Variants in ADGRE3 observed in about 807,000 individuals in gnomAD.
ADGRE3 encodes the protein EGF-like module receptor 3.
ADGRE3 carries 88 observed loss-of-function variants against 80.1 expected under a neutral mutation model. The observed-to-expected ratio is 1.10, with a 90% CI of 0.93 to 1.31. ADGRE3 has a LOEUF of 1.31. ADGRE3 is among the 40% of genes most tolerant of loss of function. ADGRE3 has a pLI of 0.00. For missense variants in ADGRE3, 715 were observed against 776.5 expected (o/e 0.92, Z 0.94); for synonymous variants, 281 against 294.8 (o/e 0.95, Z 0.48).
chr19:14,668,824 T>C lies in ADGRE3; in HGVS notation c.54A>G (p.Gly18=). 1 of 1,613,820 alleles carries C rather than the reference T, an allele frequency of 6.2e-7. No homozygotes were observed. The highest frequency in any genetic ancestry group is 8.5e-7 in the Non-Finnish European group (1 of 1,179,980). ...PGLCFLLSLF[G]AVTQKTKTSC... is the part of the protein sequence containing the mutation. ...CACTTTTGGTTTTCTGAGTCACAGC[T>C]CCAAAGAGGCTCAGCAGAAAGCAGA... The change falls in exon 2 of 16, where the codon GGA becomes GGG. Residue 18 remains glycine, a synonymous_variant. Coordinates refer to ENST00000253673, the MANE Select transcript of ADGRE3 (RefSeq NM_032571.5).
Position 14,641,405 on chromosome 19 carries a change from G to T in ADGRE3, c.1248+14C>A, listed in dbSNP as rs1312322421. 3 of 1,613,898 alleles carry T rather than the reference G, an allele frequency of 1.9e-6. No homozygotes were observed. The African/African-American group carries it at 4.0e-5, about 22-fold the overall frequency. On this transcript the variant is annotated intron_variant, in intron 10 of 15. Transcript: ENST00000253673. The stretch of plus-strand genomic sequence containing the variant: ...TTGGGGCAGAAAGGGCATCCTCTGA[G>T]ACACTGTCAGTACCTTGGGTTCAGT...
chr19:14,670,866 C>T (rs113533357), intron 1 of ADGRE3, among the ~76,000 whole-genome samples: 1 of 152,216 alleles, frequency 6.6e-6, no homozygotes. Context: ...ACCACATAGC[C>T]TCTCCTTCAG....
chr19:14,657,036 C>G (rs1369823506), intron 5 of ADGRE3, among the ~76,000 whole-genome samples: 1 of 152,154 alleles, frequency 6.6e-6, no homozygotes, highest in Non-Finnish European at 1.5e-5. Flanking sequence ...GCTGGGATTA[C>G]AGGCATGCGC....
At chr19:14,609,238 G>T in the ADGRE3 span, among the ~76,000 whole-genome samples, 1 of 152,158 alleles carries the variant, frequency 6.6e-6, no homozygotes, top group Non-Finnish European at 1.5e-5. Context: ...GAGAAGCCTG[G>T]ACCCCTTGTG....
At chr19:14,652,776 C>CA (rs34330214) in intron 6 of ADGRE3, among the ~76,000 whole-genome samples, 8,451 of 61,946 alleles carry the variant, frequency 0.14, 383 homozygotes, top group East Asian at 0.22. Flanking sequence ...GACTCCATCT[C>CA]AAAAAAAAAA....
intron 5 of ADGRE3, among the ~76,000 whole-genome samples, chr19:14,656,631 G>A (rs895759017): frequency 6.6e-6 from 1 of 152,088 alleles, no homozygotes; most frequent in African/African-American, 2.4e-5. Context: ...TACTGTACAC[G>A]TGACTGGCAA....
At chr19:14,647,022 C>T (rs1054559153) in intron 8 of ADGRE3, among the ~76,000 whole-genome samples, 159 bp downstream of exon 8, 44 of 152,098 alleles carry the variant, frequency 2.9e-4, no homozygotes, top group Admixed American at 2.8e-3. Context: ...TTCAAAATCT[C>T]GATTCAGACC....
rs1568471637 is a variant in ADGRE3 at position 14,620,562 on chromosome 19, ATATATATTTTTTTTTTTTTT to A, written c.1921-1111_1921-1092del. 1.2e-3 allele frequency among the ~76,000 whole-genome samples: 27 copies of A among 22,070 alleles called. 4 individuals are homozygous for A. The East Asian group carries it at 0.014, about 11-fold the overall frequency. 14.5% of individuals were successfully genotyped at this position (22,070 alleles called of 152,430 possible). ...TTATATATATATTATATATATATAT[ATATATATTTTTTTTTTTTTT>A]TTTTTTTTTTTTTTTGAGACAGGGT... On this transcript the variant is annotated intron_variant, in intron 15 of 15. Transcript: ENST00000253673.
the ADGRE3 span, among the ~76,000 whole-genome samples, chr19:14,613,395 A>T: frequency 3.3e-4 from 48 of 143,750 alleles, no homozygotes; most frequent in African/African-American, 1.1e-3. Context: ...GCTAATTTTA[A>T]TTTTTTTTTT....
rs774016812 is a variant in ADGRE3 at position 14,661,883 on chromosome 19, TCAAAA to T, written c.355+75_355+79del. 3.5e-5 allele frequency: 53 copies of T among 1,507,062 alleles called. No homozygotes were observed. In the South Asian group the frequency reaches 3.8e-4, roughly 11 times the overall value. The allele number at this position is 1,507,062 out of a possible 1,614,324, so 93.4% of individuals were successfully genotyped here. A position where few individuals can be genotyped will look rare whatever the true frequency, so the allele number is the denominator to read the frequency against. ...CTGGGCTACAGAGCGAGACTCTGTC[TCAAAA>T]CAAAACAAAACAAAACAAACAAACA... is the stretch of plus-strand genomic sequence containing the variant. On this transcript the variant is annotated intron_variant, in intron 4 of 15. Coordinates refer to ENST00000253673, the MANE Select transcript of ADGRE3 (RefSeq NM_032571.5).
At chr19:14,600,776 A>G in the ADGRE3 span, among the ~76,000 whole-genome samples, 1 of 150,500 alleles carries the variant, frequency 6.6e-6, no homozygotes, top group Non-Finnish European at 1.5e-5. Context: ...TAGTAGAGAC[A>G]GGGTTTCACT....
chr19:14,638,260 G>A lies in ADGRE3; in HGVS notation c.1329C>T (p.His443=), dbSNP rs1971155129. 6.2e-7 allele frequency: 1 copy of A among 1,614,106 alleles called. No homozygotes were observed. Among genetic ancestry groups the A allele is most frequent in the East Asian group, 2.2e-5 (1 of 44,874 alleles). Residue 443 remains histidine (H), a synonymous_variant, in exon 11 of 16, where the codon CAC becomes CAT. Coordinates refer to ENST00000253673, the MANE Select transcript of ADGRE3 (RefSeq NM_032571.5). ...TCAGGTTCCGTGCAGTGAGGAAGAGGTGCACACCCTCCAGCAGCATCCAGG... is the reference window on the plus strand; with the variant it reads ...TCAGGTTCCGTGCAGTGAGGAAGAGATGCACACCCTCCAGCAGCATCCAGG... ...AFTWMLLEGV[H]LFLTARNLTV... is the part of the protein sequence containing the mutation.
At chr19:14,650,222 C>T (rs1971550591) in intron 7 of ADGRE3, among the ~76,000 whole-genome samples, 1 of 150,398 alleles carries the variant, frequency 6.6e-6, no homozygotes, top group Admixed American at 6.6e-5. Context: ...ATCTCTGTCC[C>T]CATCTCTCTC....
chr19:14,620,409 T>TGTATATTCATGTATATATGAATATATAG (rs1970510693), intron 15 of ADGRE3, among the ~76,000 whole-genome samples: 2 of 119,006 alleles, frequency 1.7e-5, no homozygotes, highest in East Asian at 2.0e-4. Flanking sequence ...TGAATATATA[T>TGTATATTCATGTATATATGAATATATAG]GTATATTCAT....
chr19:14,607,066 A>G, the ADGRE3 span: 2 of 1,345,612 alleles, frequency 1.5e-6, no homozygotes, highest in Admixed American at 3.0e-5. Flanking sequence ...CAGGAAGGGG[A>G]CTGGAGGTGG....
chr19:14,602,530 G>A, the ADGRE3 span, among the ~76,000 whole-genome samples: 1 of 151,802 alleles, frequency 6.6e-6, no homozygotes, highest in South Asian at 2.1e-4. Context: ...CTGACCTCAA[G>A]TGATCTGCCG....
chr19:14,638,815 T>A (rs1197218586), intron 10 of ADGRE3, among the ~76,000 whole-genome samples: 1 of 152,126 alleles, frequency 6.6e-6, no homozygotes, highest in Non-Finnish European at 1.5e-5. Context: ...TCTGAGAACC[T>A]CCATTCTACT....
intron 4 of ADGRE3, 50 bp downstream of exon 4, chr19:14,661,913 A>G (rs747752225): frequency 3.8e-6 from 6 of 1,590,022 alleles, no homozygotes; most frequent in South Asian, 1.1e-5. Flanking sequence ...ACAAACAAAC[A>G]AAAAAACAAC....
At chr19:14,635,888 A>G (rs1599615188) in intron 11 of ADGRE3, among the ~76,000 whole-genome samples, 1 of 152,030 alleles carries the variant, frequency 6.6e-6, no homozygotes, top group East Asian at 1.9e-4. Context: ...GAGGCATAAA[A>G]CCTAACTTGT....
Sources: allele counts gnomAD v4.1 joint callset (sites outside exome capture counted in the v4.1 genomes callset), GRCh38; gene constraint gnomAD v4.1.1; transcripts MANE v1.5; gene names NCBI Gene and HGNC (gene_info 2026-07-23, HGNC 2026-07-21).